Variants in FAF1 observed in about 807,000 individuals in gnomAD.
FAF1 encodes Fas associated factor 1.
In FAF1, 25 loss-of-function variants were observed where a neutral mutation model predicts 92.5. The observed-to-expected ratio is 0.27, with a 90% CI of 0.20 to 0.38. The LOEUF (loss-of-function observed/expected upper bound fraction) is 0.38, where lower values mean the gene tolerates loss of function less well. Ranked by LOEUF, FAF1 falls within the 10% of genes least tolerant of loss-of-function variation. The pLI, the probability that FAF1 is intolerant of heterozygous loss-of-function variation, is 1.00. For missense variants in FAF1, 636 were observed against 793.3 expected (o/e 0.80, Z 2.38); for synonymous variants, 234 against 273.2 (o/e 0.86, Z 1.42).
At chr1:50,864,771 T>C (rs1279676505) in intron 1 of FAF1, among the ~76,000 whole-genome samples, 1 of 152,182 alleles carries the variant, frequency 6.6e-6, no homozygotes, top group Non-Finnish European at 1.5e-5. Context: ...ATTCAGGACG[T>C]AGGCATGGGC....
At chr1:50,722,365 A>G (rs1658444622) in intron 6 of FAF1, among the ~76,000 whole-genome samples, 1 of 151,938 alleles carries the variant, frequency 6.6e-6, no homozygotes, top group African/African-American at 2.4e-5. Context: ...AGAGCACTAT[A>G]AGGCCGGGCG....
chr1:50,811,796 C>G (rs1643917232), intron 2 of FAF1, among the ~76,000 whole-genome samples: 1 of 152,142 alleles, frequency 6.6e-6, no homozygotes, highest in African/African-American at 2.4e-5. Context: ...CTGGAGGCAC[C>G]ACATTACCTG....
At chr1:50,455,292 T>G (rs751811287) in intron 18 of FAF1, among the ~76,000 whole-genome samples, 3 of 152,238 alleles carry the variant, frequency 2.0e-5, no homozygotes, top group Non-Finnish European at 2.9e-5. Context: ...CAGAGAAAAC[T>G]GGTTCTGAAT....
chr1:50,453,995 C>T lies in FAF1; in HGVS notation c.1870-12472G>A, dbSNP rs148779349. Among the ~76,000 whole-genome samples the T allele has an allele frequency of 1.6e-3, 242 of 152,250 alleles. 1 individual carries two copies. In the Middle Eastern group the frequency reaches 0.031, roughly 19 times the overall value. On this transcript the variant is annotated intron_variant, in intron 18 of 18. Transcript: ENST00000396153. ...AGTCACTTTTTGTCCTCTGAGATTCCTTGTCTGTTAAACAAGGATGTTGAT... is the reference window on the plus strand; with the variant it reads ...AGTCACTTTTTGTCCTCTGAGATTCTTTGTCTGTTAAACAAGGATGTTGAT...
chr1:50,852,431 A>G (rs11205782), intron 2 of FAF1, among the ~76,000 whole-genome samples: 3,041 of 152,308 alleles, frequency 0.02, 99 homozygotes, highest in African/African-American at 0.07. Context: ...AATAAGAAAC[A>G]CAATTCCCTT....
chr1:50,761,174 T>G lies in FAF1; in HGVS notation c.368-16399A>C, dbSNP rs1660311546. ...ATCTCTGAATAGACCAATAACAGGC[T>G]CTGAAATTGAGGCAATAATCAATAG... On this transcript the variant is annotated intron_variant, in intron 4 of 18. Coordinates refer to ENST00000396153, the MANE Select transcript of FAF1 (RefSeq NM_007051.3). Among the ~76,000 whole-genome samples, 5 of 152,212 alleles carry G rather than the reference T, an allele frequency of 3.3e-5. No individual in the cohort carries two copies. In the East Asian group the frequency reaches 7.7e-4, roughly 23 times the overall value.
chr1:50,843,488 CTTCT>C (rs1051592569), intron 2 of FAF1, among the ~76,000 whole-genome samples: 2 of 151,952 alleles, frequency 1.3e-5, no homozygotes, highest in African/African-American at 4.8e-5. Flanking sequence ...GAACTTATTC[CTTCT>C]ATCTACTTTT....
At chr1:50,600,411 G>C (rs1406587599) in intron 8 of FAF1, among the ~76,000 whole-genome samples, 1 of 152,102 alleles carries the variant, frequency 6.6e-6, no homozygotes. Flanking sequence ...GCAGACCAAT[G>C]TATCTTACTG....
chr1:50,734,733 CAAAAA>C, intron 6 of FAF1, among the ~76,000 whole-genome samples: 1 of 84,218 alleles, frequency 1.2e-5, no homozygotes, highest in East Asian at 3.4e-4. Context: ...GACTCCATCT[CAAAAA>C]AAAAAAAAAA....
chr1:50,444,867 T>C (rs145595333), intron 18 of FAF1, among the ~76,000 whole-genome samples: 459 of 150,996 alleles, frequency 3.0e-3, no homozygotes, highest in Non-Finnish European at 3.5e-3. Context: ...GCTGATGATA[T>C]GAATGATTCT....
At chr1:50,712,937 G>T (rs1348214695) in intron 6 of FAF1, among the ~76,000 whole-genome samples, 6 of 151,872 alleles carry the variant, frequency 4.0e-5, no homozygotes, top group Non-Finnish European at 8.8e-5. Context: ...CAAGGTGGGT[G>T]GGTCACTTGA....
At chr1:50,619,647 T>C (rs1350312754) in intron 8 of FAF1, among the ~76,000 whole-genome samples, 1 of 152,190 alleles carries the variant, frequency 6.6e-6, no homozygotes, top group African/African-American at 2.4e-5. Flanking sequence ...GTATATGACT[T>C]GACCATTCTC....
chr1:50,490,480 A>C, intron 17 of FAF1, 108 bp downstream of exon 17: 1 of 635,202 alleles, frequency 1.6e-6, no homozygotes, highest in Non-Finnish European at 2.9e-6. Context: ...GAAGGAAGGA[A>C]GGAAGGAAGG....
chr1:50,574,730 TTAA>T (rs960115045), intron 12 of FAF1, among the ~76,000 whole-genome samples: 2 of 152,054 alleles, frequency 1.3e-5, no homozygotes, highest in African/African-American at 2.4e-5. Flanking sequence ...TAAAAATATA[TTAA>T]TAATGCATTC....
Position 50,552,896 on chromosome 1 carries a change from T to C in FAF1, c.1269-13168A>G, listed in dbSNP as rs139789947. ...TTGCCCAGCATTATTGTGTGCTTAT[T>C]TGAAGCTTGTGTTTATTTAAAAGAG... On this transcript the variant is annotated intron_variant, in intron 13 of 18. Transcript: ENST00000396153. 2.0e-4 allele frequency among the ~76,000 whole-genome samples: 30 copies of C among 152,258 alleles called. 1 individual carries two copies. The East Asian group carries it at 5.4e-3, about 27-fold the overall frequency.
intron 1 of FAF1, among the ~76,000 whole-genome samples, chr1:50,911,349 G>C (rs1343772478): frequency 6.6e-6 from 1 of 151,080 alleles, no homozygotes; most frequent in Non-Finnish European, 1.5e-5. Context: ...TGGGATTACA[G>C]GTGTGAGCCA....
intron 13 of FAF1, among the ~76,000 whole-genome samples, chr1:50,556,107 G>A (rs1274705880): frequency 4.6e-5 from 7 of 151,680 alleles, no homozygotes; most frequent in Admixed American, 4.6e-4. Context: ...GCTTGGTGGC[G>A]GGCGCCTGTA....
intron 1 of FAF1, among the ~76,000 whole-genome samples, chr1:50,956,042 T>G (rs530884527): frequency 2.6e-5 from 4 of 152,188 alleles, no homozygotes; most frequent in Admixed American, 6.5e-5. Flanking sequence ...ATTTTCAAGA[T>G]GAAAAGCTTT....
Position 50,438,634 on chromosome 1 carries a change from A to G in FAF1, c.*2806T>C, listed in dbSNP as rs1356865180. 1 of 152,230 alleles carries G rather than the reference A, an allele frequency of 6.6e-6. No individual in the cohort carries two copies. Among genetic ancestry groups the G allele is most frequent in the Non-Finnish European group, 1.5e-5 (1 of 68,034 alleles). 9.4% of individuals were successfully genotyped at this position (152,230 alleles called of 1,614,324 possible). On this transcript the variant is annotated 3_prime_UTR_variant, in exon 19 of 19. Coordinates refer to ENST00000396153, the MANE Select transcript of FAF1 (RefSeq NM_007051.3). Reference sequence around the variant, plus strand: ...GTGGAGAGAATTAAGACCCTCTCCCACATTCAAATGAAAAAGTCTATACTT... The same window carrying G: ...GTGGAGAGAATTAAGACCCTCTCCCGCATTCAAATGAAAAAGTCTATACTT...
Sources: gnomAD v4.1 joint callset for allele counts (sites outside exome capture counted in the v4.1 genomes callset) on GRCh38, gnomAD v4.1.1 for gene constraint, MANE v1.5 for transcripts, NCBI Gene and HGNC (gene_info 2026-07-23, HGNC 2026-07-21) for gene names.